MLLT3: variants seen among roughly 807,000 people sequenced by gnomAD.
MLLT3 encodes protein AF-9.
A neutral mutation model predicts 53.2 loss-of-function variants in MLLT3; 4 were observed. The ratio of observed to expected loss-of-function variants is 0.08; its 90% CI spans 0.04 to 0.17. The LOEUF (loss-of-function observed/expected upper bound fraction) is 0.17. MLLT3 is among the 10% of genes least tolerant of loss of function. The probability of loss-of-function intolerance (pLI) is 1.00; values close to 1 mark genes in which losing one functional copy is unlikely to be tolerated. For missense variants in MLLT3, 569 were observed against 684.0 expected (o/e 0.83, Z 1.87); for synonymous variants, 283 against 230.6 (o/e 1.23, Z -2.06).
chr9:20,473,295 C>A (rs1275457614), intron 2 of MLLT3, among the ~76,000 whole-genome samples: 2 of 152,056 alleles, frequency 1.3e-5, no homozygotes, highest in Non-Finnish European at 2.9e-5. Context: ...ACATCGTTTT[C>A]TAAAACACTT....
intron 4 of MLLT3, among the ~76,000 whole-genome samples, chr9:20,439,726 G>A (rs770230951): frequency 3.9e-5 from 6 of 152,072 alleles, no homozygotes; most frequent in African/African-American, 7.2e-5. Context: ...AAATCTATGC[G>A]TTATGTTTAA....
At chr9:20,526,373 C>G (rs543829681) in intron 2 of MLLT3, among the ~76,000 whole-genome samples, 34 of 152,280 alleles carry the variant, frequency 2.2e-4, no homozygotes, top group Middle Eastern at 3.4e-3. Context: ...ACAAACTAGA[C>G]CTGCCAAAAG....
intron 5 of MLLT3, among the ~76,000 whole-genome samples, chr9:20,365,970 T>C (rs779340296): frequency 1.3e-5 from 2 of 152,194 alleles, no homozygotes; most frequent in Non-Finnish European, 2.9e-5. Context: ...CACTTGGGTG[T>C]TACATGAGAA....
At chr9:20,610,184 G>A (rs749464218) in intron 2 of MLLT3, among the ~76,000 whole-genome samples, 2 of 152,046 alleles carry the variant, frequency 1.3e-5, no homozygotes, top group Non-Finnish European at 2.9e-5. Flanking sequence ...CCAGTTACTG[G>A]AATTACATTA....
chr9:20,377,073 A>C (rs143526621), intron 5 of MLLT3, among the ~76,000 whole-genome samples: 1 of 152,296 alleles, frequency 6.6e-6, no homozygotes, highest in Non-Finnish European at 1.5e-5. Context: ...CGGGTAGAGA[A>C]AGAAAAATGT....
chr9:20,565,970 A>ATATATATATATATTTATATATATATATT (rs1563820615), intron 2 of MLLT3, among the ~76,000 whole-genome samples: 1 of 28,642 alleles, frequency 3.5e-5, no homozygotes, highest in Non-Finnish European at 7.1e-5. Context: ...ATATATATTT[A>ATATATATATATATTTATATATATATATT]TATATATATA....
rs57983005 is a variant in MLLT3, at chr9:20,526,948, T to G, written c.194-70162A>C. 4.6e-3 allele frequency among the ~76,000 whole-genome samples: 706 copies of G among 152,328 alleles called. 5 individuals are homozygous for G. The highest frequency in any genetic ancestry group is 0.016 in the African/African-American group (657 of 41,584). On this transcript the variant is annotated intron_variant, in intron 2 of 10. Coordinates refer to ENST00000380338, the MANE Select transcript of MLLT3 (RefSeq NM_004529.4). ...TATTGGACACTTACGAAGTGTCTGTTGAAGTCTTTCATTCACTTTTTCTAT... is the reference window on the plus strand; with the variant it reads ...TATTGGACACTTACGAAGTGTCTGTGGAAGTCTTTCATTCACTTTTTCTAT...
At chr9:20,470,757 C>A (rs1028899851) in intron 2 of MLLT3, among the ~76,000 whole-genome samples, 1 of 151,868 alleles carries the variant, frequency 6.6e-6, no homozygotes, top group African/African-American at 2.4e-5. Context: ...GAGTAATAAA[C>A]TGAACAATAG....
intron 2 of MLLT3, among the ~76,000 whole-genome samples, chr9:20,515,149 T>C (rs1454062754): frequency 2.0e-5 from 3 of 152,052 alleles, no homozygotes; most frequent in Non-Finnish European, 2.9e-5. Context: ...GGTTTCACTA[T>C]GTTGGCCAGG....
At chr9:20,488,752 AC>A (rs2118918122) in intron 2 of MLLT3, among the ~76,000 whole-genome samples, 1 of 152,220 alleles carries the variant, frequency 6.6e-6, no homozygotes, top group East Asian at 1.9e-4. Flanking sequence ...ATGTAAAGGA[AC>A]AAATGCCCCG....
chr9:20,454,083 T>C (rs1350227334), intron 3 of MLLT3, among the ~76,000 whole-genome samples: 2 of 152,202 alleles, frequency 1.3e-5, no homozygotes, highest in Non-Finnish European at 2.9e-5. Flanking sequence ...AGAGATGTTT[T>C]TCATCTCATA....
At position 20,363,491 on chromosome 9, in the gene MLLT3, C is replaced by G; in HGVS notation, c.1316G>C (p.Gly439Ala). ...SEMERPVNRG[G>A]SRSRRVSLSD... is the part of the protein sequence containing the mutation. ...AGATACTCACCTGCGACTTCGGCTG[C>G]CTCCTCTATTTACAGGCCTCTCCAT... The change falls in exon 7 of 11, where the codon GGC becomes GCC. Residue 439 changes from glycine to alanine, a missense_variant. Gly to Ala is a moderately conservative substitution (Grantham distance 60). Around this residue, in one of 5 missense-constraint regions of MLLT3, gnomAD observed 437 missense variants for 376.5 expected, o/e 1.16. Transcript: ENST00000380338. 1.2e-6 allele frequency: 2 copies of G among 1,613,798 alleles called. No individual in the cohort carries two copies. The highest frequency in any genetic ancestry group is 1.7e-6 in the Non-Finnish European group (2 of 1,179,864).
chr9:20,552,580 A>T (rs1818951385), intron 2 of MLLT3, among the ~76,000 whole-genome samples: 1 of 152,024 alleles, frequency 6.6e-6, no homozygotes, highest in African/African-American at 2.4e-5. Context: ...GCGAGAACAG[A>T]ACCTATGAGC....
intron 2 of MLLT3, among the ~76,000 whole-genome samples, chr9:20,557,138 C>T (rs76158023): frequency 6.6e-6 from 1 of 152,220 alleles, no homozygotes; most frequent in African/African-American, 2.4e-5. Flanking sequence ...CACCTCCTGG[C>T]CCCTGTTCAT....
At chr9:20,613,936 AAGATGTCCACCAC>A (rs1820760961) in intron 2 of MLLT3, among the ~76,000 whole-genome samples, 1 of 152,222 alleles carries the variant, frequency 6.6e-6, no homozygotes, top group Admixed American at 6.5e-5. Flanking sequence ...ATGAATGTCA[AAGATGTCCACCAC>A]AGCACTATTC....
intron 2 of MLLT3, among the ~76,000 whole-genome samples, chr9:20,565,499 C>T (rs941507713): frequency 2.0e-5 from 3 of 151,900 alleles, no homozygotes; most frequent in Non-Finnish European, 2.9e-5. Context: ...AAGTACTGTC[C>T]TCCCCACTCT....
chr9:20,507,246 TACAA>T (rs781083535), intron 2 of MLLT3, among the ~76,000 whole-genome samples: 19 of 152,198 alleles, frequency 1.2e-4, no homozygotes, highest in African/African-American at 2.4e-4. Context: ...TTTTGAAGCT[TACAA>T]ACAATCTACA....
chr9:20,539,424 A>C (rs563613421), intron 2 of MLLT3, among the ~76,000 whole-genome samples: 35 of 152,314 alleles, frequency 2.3e-4, no homozygotes, highest in Admixed American at 1.1e-3. Context: ...GGTTTAATTG[A>C]CTCACAGTTC....
In MLLT3 at chr9:20,344,755, CA is replaced by C. The variant is rs1275580400; in HGVS notation, c.*1687del. ...TAAAATGCAGAAATAACTCCATTAT[CA>C]ATCTGCATTTATATAACTGCCCAAA... On this transcript the variant is annotated 3_prime_UTR_variant, in exon 11 of 11. Transcript: ENST00000380338. The C allele has an allele frequency of 4.8e-6, 1 of 206,498 alleles. No homozygotes were observed. The highest frequency in any genetic ancestry group is 2.3e-5 in the African/African-American group (1 of 43,854). The allele number at this position is 206,498 out of a possible 1,614,324, so 12.8% of individuals were successfully genotyped here. A position where few individuals can be genotyped will look rare whatever the true frequency, so the allele number is the denominator to read the frequency against.
Sources: gnomAD v4.1 joint callset for allele counts (sites outside exome capture counted in the v4.1 genomes callset) on GRCh38, gnomAD v4.1.1 for gene constraint, gnomAD v4.1.1 regional missense constraint, MANE v1.5 for transcripts, NCBI Gene and HGNC (gene_info 2026-07-23, HGNC 2026-07-21) for gene names.